RNLS: variants seen among roughly 807,000 people sequenced by gnomAD.
The protein encoded by RNLS is renalase.
RNLS carries 39 observed loss-of-function variants against 39.8 expected under a neutral mutation model. The ratio of observed to expected loss-of-function variants is 0.98; its 90% CI spans 0.76 to 1.28. The LOEUF is 1.28. Ranked by LOEUF, RNLS falls within the 50% of genes most tolerant of loss-of-function variation. The pLI, the probability that RNLS is intolerant of heterozygous loss-of-function variation, is 0.00. For missense variants in RNLS, 410 were observed against 413.3 expected, an observed-to-expected ratio of 0.99 and a Z score of 0.07; for synonymous variants, 147 against 150.7, an observed-to-expected ratio of 0.98 and a Z score of 0.18.
chr10:88,277,808 T>G lies in RNLS; in HGVS notation c.877-2776A>C, dbSNP rs533112462. Among the ~76,000 whole-genome samples the G allele has an allele frequency of 7.2e-5, 11 of 152,312 alleles. No individual in the cohort carries two copies. The South Asian group carries it at 2.1e-3, about 29-fold the overall frequency. On this transcript the variant is annotated intron_variant, in intron 6 of 6. Coordinates refer to the RNLS transcript ENST00000371947. ...TGACTTCTCCCTAATTTAATATAGATGGTTCTAGTGATTTATTCTTAATTT... is the reference window on the plus strand; with the variant it reads ...TGACTTCTCCCTAATTTAATATAGAGGGTTCTAGTGATTTATTCTTAATTT...
chr10:88,407,880 A>T (rs1853387464), intron 4 of RNLS, among the ~76,000 whole-genome samples: 1 of 152,134 alleles, frequency 6.6e-6, no homozygotes, highest in South Asian at 2.1e-4. Flanking sequence ...GGGTTAATAT[A>T]TAGCATAAAA....
At chr10:88,241,843 T>G in the RNLS span, among the ~76,000 whole-genome samples, 1 of 152,220 alleles carries the variant, frequency 6.6e-6, no homozygotes, top group African/African-American at 2.4e-5. Flanking sequence ...TACAGACTTT[T>G]TTGTTGTTCT....
chr10:88,402,240 A>G (rs1195261649), intron 4 of RNLS, among the ~76,000 whole-genome samples: 2 of 152,064 alleles, frequency 1.3e-5, no homozygotes, highest in Non-Finnish European at 2.9e-5. Flanking sequence ...AACTGTCCAT[A>G]CAAAGGCATT....
rs191291848 is a variant in RNLS at position 88,580,932 on chromosome 10, C to T, written c.367+635G>A. Among the ~76,000 whole-genome samples the T allele has an allele frequency of 9.2e-5, 14 of 152,180 alleles. No homozygotes were observed. The East Asian group carries it at 2.7e-3, about 29-fold the overall frequency. On this transcript the variant is annotated intron_variant, in intron 3 of 6. Transcript: ENST00000331772. ...GCACAACCTAGCTAAGTTAAAAATG[C>T]AAATATCGTTTGACATAGCTATTCT...
chr10:88,228,262 T>C, the RNLS span, among the ~76,000 whole-genome samples: 3 of 152,322 alleles, frequency 2.0e-5, no homozygotes, highest in Non-Finnish European at 2.9e-5. Context: ...GTACATGCAA[T>C]GGCCACAGAA....
intron 4 of RNLS, among the ~76,000 whole-genome samples, chr10:88,441,345 G>A (rs1841703702): frequency 6.6e-6 from 1 of 152,160 alleles, no homozygotes; most frequent in Non-Finnish European, 1.5e-5. Context: ...AGTTGATGGT[G>A]ATTCACTGAA....
At chr10:88,475,335 G>A (rs141681073) in intron 4 of RNLS, among the ~76,000 whole-genome samples, 309 of 152,252 alleles carry the variant, frequency 2.0e-3, no homozygotes, top group Non-Finnish European at 3.9e-3. Context: ...GAGTGTTCTG[G>A]CTAAAAATAA....
chr10:88,180,384 C>T, the RNLS span, among the ~76,000 whole-genome samples: 3 of 152,064 alleles, frequency 2.0e-5, no homozygotes, highest in Non-Finnish European at 2.9e-5. Flanking sequence ...GCTATTGGGA[C>T]ACTGGGATAA....
chr10:88,449,245 A>G (rs1842226293), intron 4 of RNLS, among the ~76,000 whole-genome samples: 1 of 152,154 alleles, frequency 6.6e-6, no homozygotes, highest in South Asian at 2.1e-4. Flanking sequence ...TACTAATCTC[A>G]TCTCTCCACT....
chr10:88,392,256 C>G (rs1303952090), intron 4 of RNLS, among the ~76,000 whole-genome samples: 1 of 152,216 alleles, frequency 6.6e-6, no homozygotes, highest in African/African-American at 2.4e-5. Context: ...GATACGTCCA[C>G]AGGATGATTT....
intron 4 of RNLS, among the ~76,000 whole-genome samples, chr10:88,549,845 T>C (rs1848524439): frequency 6.6e-6 from 1 of 152,228 alleles, no homozygotes; most frequent in East Asian, 1.9e-4. Flanking sequence ...CAAATTGAAA[T>C]CTGTTTTTTA....
intron 3 of RNLS, 60 bp downstream of exon 3, chr10:88,581,507 T>G (rs999373349): frequency 7.0e-7 from 1 of 1,423,688 alleles, no homozygotes; most frequent in Non-Finnish European, 9.6e-7. Flanking sequence ...TGTAACTATG[T>G]GTGTAACTTG....
intron 4 of RNLS, among the ~76,000 whole-genome samples, chr10:88,420,155 T>C (rs1004028492): frequency 4.6e-5 from 7 of 151,998 alleles, no homozygotes; most frequent in Non-Finnish European, 1.0e-4. Context: ...TCATGTCTAT[T>C]AAGATCCTGG....
At chr10:88,211,687 G>T in the RNLS span, among the ~76,000 whole-genome samples, 2 of 152,172 alleles carry the variant, frequency 1.3e-5, no homozygotes, top group African/African-American at 2.4e-5. Flanking sequence ...GGTAGAGTGG[G>T]GTAGAGATGG....
intron 5 of RNLS, among the ~76,000 whole-genome samples, chr10:88,354,423 ATCTC>A (rs1324881404): frequency 6.6e-6 from 1 of 152,096 alleles, no homozygotes; most frequent in African/African-American, 2.4e-5. Context: ...GGTGACAAAA[ATCTC>A]TCAGCATTTG....
intron 4 of RNLS, among the ~76,000 whole-genome samples, chr10:88,406,376 T>G (rs1853273251): frequency 6.6e-6 from 1 of 152,082 alleles, no homozygotes; most frequent in Non-Finnish European, 1.5e-5. Flanking sequence ...TAGATTTGGT[T>G]GTTTAACATA....
At chr10:88,499,971 ATTC>A (rs1022348906) in intron 4 of RNLS, among the ~76,000 whole-genome samples, 7 of 152,160 alleles carry the variant, frequency 4.6e-5, no homozygotes, top group African/African-American at 1.7e-4. Flanking sequence ...GTTTTTAAAA[ATTC>A]TTCTACTGGC....
At position 88,304,717 on chromosome 10, in the gene RNLS, T is replaced by C. The variant is rs80164945; in HGVS notation, c.876+9749A>G. On this transcript the variant is annotated intron_variant, in intron 6 of 6. Transcript: ENST00000331772. ...GTAAAGAGACCAAATCTATAAATCA[T>C]TGGTGTCCCTGAAAGAGATGAAAAG... 3.4e-3 allele frequency among the ~76,000 whole-genome samples: 520 copies of C among 152,224 alleles called. 1 individual carries two copies. The highest frequency in any genetic ancestry group is 0.021 in the East Asian group (111 of 5,186).
intron 4 of RNLS, among the ~76,000 whole-genome samples, chr10:88,553,863 T>C (rs990053509): frequency 2.0e-5 from 3 of 152,066 alleles, no homozygotes; most frequent in Non-Finnish European, 2.9e-5. Flanking sequence ...AAGGTAGAAA[T>C]CATGCTTTAT....
Sources: gnomAD v4.1 joint callset for allele counts (sites outside exome capture counted in the v4.1 genomes callset) on GRCh38, gnomAD v4.1.1 for gene constraint, MANE v1.5 for transcripts, NCBI Gene and HGNC (gene_info 2026-07-23, HGNC 2026-07-21) for gene names.